AP1G1: variants seen among roughly 807,000 people sequenced by gnomAD.
AP1G1 encodes adaptor related protein complex 1 subunit gamma 1, also known as AP-1 complex subunit gamma-1.
In AP1G1, 7 loss-of-function variants were observed where a neutral mutation model predicts 108.3. That is an observed-to-expected ratio of 0.06 (90% CI 0.04 to 0.12). The LOEUF is 0.12. AP1G1 is among the 10% of genes least tolerant of loss of function. The pLI, the probability that AP1G1 is intolerant of heterozygous loss-of-function variation, is 1.00. For missense variants in AP1G1, 756 were observed against 1,010.7 expected, an observed-to-expected ratio of 0.75 and a Z score of 3.42; for synonymous variants, 379 against 353.5, an observed-to-expected ratio of 1.07 and a Z score of -0.81.
chr16:71,768,387 G>C (rs2031405923), intron 6 of AP1G1, among the ~76,000 whole-genome samples: 1 of 150,564 alleles, frequency 6.6e-6, no homozygotes, highest in Non-Finnish European at 1.5e-5. Context: ...TGTAGTCCCA[G>C]CTACTCAGGA....
Position 71,749,877 on chromosome 16 carries a change from A to T in AP1G1, c.1497+17T>A. The T allele has an allele frequency of 6.4e-7, 1 of 1,574,612 alleles. No homozygotes were observed. The highest frequency in any genetic ancestry group is 8.7e-7 in the Non-Finnish European group (1 of 1,144,692). On this transcript the variant is annotated intron_variant, in intron 15 of 22. Coordinates refer to ENST00000299980, the MANE Select transcript of AP1G1 (RefSeq NM_001128.6). ...ACCACTATTTTCCCCCACTTAACCA[A>T]GAGTGACAAGGAGTACCTGAATAGG...
chr16:71,733,436 AT>A (rs772327551), intron 22 of AP1G1, among the ~76,000 whole-genome samples: 13 of 110,662 alleles, frequency 1.2e-4, no homozygotes, highest in Non-Finnish European at 2.3e-4. Context: ...CCTTGGGAGC[AT>A]TTTTTCTTTT....
At position 71,729,618 on chromosome 16, in the gene AP1G1, T is replaced by C. The variant is rs909204176; in HGVS notation, c.*3440A>G. The C allele has an allele frequency of 2.6e-5, 4 of 152,516 alleles. No homozygotes were observed. Among genetic ancestry groups the C allele is most frequent in the African/African-American group, 4.8e-5 (2 of 41,386 alleles). The allele number at this position is 152,516 out of a possible 1,614,324, so 9.4% of individuals were successfully genotyped here. A position where few individuals can be genotyped will look rare whatever the true frequency, so the allele number is the denominator to read the frequency against. Reference sequence around the variant, plus strand: ...GCTTGAAAAAGTTATTCACTTCCAGTTCTACAAGCAGCCCCACTCTCCCGA... The same window carrying C: ...GCTTGAAAAAGTTATTCACTTCCAGCTCTACAAGCAGCCCCACTCTCCCGA... On this transcript the variant is annotated 3_prime_UTR_variant, in exon 23 of 23. Coordinates refer to ENST00000299980, the MANE Select transcript of AP1G1 (RefSeq NM_001128.6).
At chr16:71,794,748 A>T (rs1482280350) in intron 1 of AP1G1, among the ~76,000 whole-genome samples, 2 of 148,170 alleles carry the variant, frequency 1.3e-5, no homozygotes, top group East Asian at 4.1e-4. Flanking sequence ...AATGGTGAAG[A>T]TGGCTATTTT....
intron 1 of AP1G1, among the ~76,000 whole-genome samples, chr16:71,801,992 G>C (rs984103459): frequency 5.9e-5 from 9 of 151,328 alleles, no homozygotes; most frequent in Non-Finnish European, 1.3e-4. Flanking sequence ...TTTAGGATTA[G>C]GGATGTACAA....
chr16:71,779,145 G>A (rs2031905213), intron 2 of AP1G1, among the ~76,000 whole-genome samples: 1 of 152,098 alleles, frequency 6.6e-6, no homozygotes, highest in African/African-American at 2.4e-5. Flanking sequence ...CTAAGAGATC[G>A]AAGTTTTCAG....
chr16:71,782,466 A>AATT (rs112080769), intron 2 of AP1G1, among the ~76,000 whole-genome samples: 16,243 of 148,888 alleles, frequency 0.11, 1,243 homozygotes, highest in South Asian at 0.37. Context: ...CCCAGCCTAC[A>AATT]ATTATTATTA....
At chr16:71,771,932 A>G (rs1387683717) in intron 4 of AP1G1, among the ~76,000 whole-genome samples, 1 of 152,188 alleles carries the variant, frequency 6.6e-6, no homozygotes, top group Non-Finnish European at 1.5e-5. Context: ...AGTCTCTACT[A>G]AAGAAAAGAT....
At chr16:71,778,527 C>CA (rs1350753198) in intron 2 of AP1G1, among the ~76,000 whole-genome samples, 2 of 151,796 alleles carry the variant, frequency 1.3e-5, no homozygotes, top group Non-Finnish European at 2.9e-5. Flanking sequence ...TACTGAAATA[C>CA]AAAAAATTAG....
intron 4 of AP1G1, among the ~76,000 whole-genome samples, chr16:71,771,863 T>C (rs1248902451): frequency 1.3e-5 from 2 of 152,208 alleles, no homozygotes; most frequent in Non-Finnish European, 2.9e-5. Flanking sequence ...TGTTTAATAG[T>C]ATCTATGTGG....
chr16:71,764,319 G>C, intron 9 of AP1G1, 31 bp downstream of exon 9: 2 of 1,349,412 alleles, frequency 1.5e-6, no homozygotes, highest in Non-Finnish European at 2.1e-6. Context: ...GAAACATTTA[G>C]GGGGGGAAGA....
chr16:71,745,435 G>A lies in AP1G1; in HGVS notation c.1872+38C>T, dbSNP rs367771001. On this transcript the variant is annotated intron_variant, in intron 18 of 22. Transcript: ENST00000299980. Reference sequence around the variant, plus strand: ...ACAAGCTGTAAGGGACTATAAAATCGTAAGAAGCCCCAGATGAGCAAGTGA... The same window carrying A: ...ACAAGCTGTAAGGGACTATAAAATCATAAGAAGCCCCAGATGAGCAAGTGA... The A allele has an allele frequency of 3.5e-5, 57 of 1,613,578 alleles. No homozygotes were observed. In the South Asian group the frequency reaches 4.4e-4, roughly 12 times the overall value.
intron 2 of AP1G1, chr16:71,777,566 G>C: frequency 2.7e-6 from 1 of 366,322 alleles, no homozygotes; most frequent in Non-Finnish European, 5.7e-6. Flanking sequence ...CCTCCAGGCC[G>C]AGAGAGGCCT....
chr16:71,750,467 T>G (rs112663345), intron 13 of AP1G1, 135 bp from the exon 14 acceptor site: 1 of 1,072,764 alleles, frequency 9.3e-7, no homozygotes, highest in Non-Finnish European at 1.3e-6. Flanking sequence ...CAGGCTGGAG[T>G]GCGATAGCGC....
chr16:71,756,260 G>T, intron 11 of AP1G1, 101 bp from the exon 12 acceptor site: 1 of 1,095,568 alleles, frequency 9.1e-7, no homozygotes. Flanking sequence ...TGCCAGATGT[G>T]CTGACGTCCT....
intron 1 of AP1G1, chr16:71,808,153 G>T: frequency 8.7e-7 from 1 of 1,144,828 alleles, no homozygotes; most frequent in Non-Finnish European, 1.1e-6. Context: ...GCCAGGAGCT[G>T]AGAAAAGGGT....
intron 1 of AP1G1, 52 bp downstream of exon 1, chr16:71,808,711 A>G: frequency 7.8e-7 from 1 of 1,285,736 alleles, no homozygotes; most frequent in Non-Finnish European, 1.0e-6. Context: ...CGCCCGCGGC[A>G]GCGGCGGGGC....
intron 1 of AP1G1, among the ~76,000 whole-genome samples, chr16:71,790,150 T>C (rs2032345363): frequency 6.6e-6 from 1 of 151,234 alleles, no homozygotes; most frequent in African/African-American, 2.4e-5. Context: ...AAATAATTGT[T>C]AACAAACAGA....
chr16:71,753,661 T>C, intron 13 of AP1G1, 172 bp downstream of exon 13: 1 of 661,124 alleles, frequency 1.5e-6, no homozygotes. Context: ...CCTGCCATCA[T>C]TATATTCCTC....
Sources: allele counts gnomAD v4.1 joint callset (sites outside exome capture counted in the v4.1 genomes callset), GRCh38; gene constraint gnomAD v4.1.1; transcripts MANE v1.5; gene names NCBI Gene and HGNC (gene_info 2026-07-23, HGNC 2026-07-21).